NRXN1: variants seen among roughly 807,000 people sequenced by gnomAD.
The protein encoded by NRXN1 is neurexin-1.
Under a neutral mutation model 150.9 loss-of-function variants are expected in NRXN1, and 39 were observed. That is an observed-to-expected ratio of 0.26 (90% CI 0.20 to 0.34). The LOEUF (loss-of-function observed/expected upper bound fraction) is 0.34, where lower values mean the gene tolerates loss of function less well. Ranked by LOEUF, NRXN1 falls within the 10% of genes least tolerant of loss-of-function variation. The probability of loss-of-function intolerance (pLI) is 1.00; values close to 1 mark genes in which losing one functional copy is unlikely to be tolerated. For missense variants in NRXN1, 1,815 were observed against 1,949.9 expected (o/e 0.93, Z 1.30); for synonymous variants, 924 against 757.0 (o/e 1.22, Z -3.62).
intron 19 of NRXN1, among the ~76,000 whole-genome samples, chr2:50,071,222 T>C (rs561951441): frequency 6.6e-6 from 1 of 152,358 alleles, no homozygotes; most frequent in Non-Finnish European, 1.5e-5. Context: ...TGAAGTCTTT[T>C]AATCTAAGTC....
intron 5 of NRXN1, among the ~76,000 whole-genome samples, chr2:50,655,942 T>C (rs752055154): frequency 7.2e-5 from 11 of 151,928 alleles, no homozygotes; most frequent in Non-Finnish European, 1.5e-4. Context: ...TAAACTCAAA[T>C]CACTTTTAAA....
At chr2:50,589,098 T>C (rs1214020595) in intron 8 of NRXN1, 2 of 152,134 alleles carry the variant, frequency 1.3e-5, no homozygotes, top group African/African-American at 4.8e-5. Flanking sequence ...TGGTACAGGA[T>C]AGGGTCTCCC....
At chr2:50,035,050 A>G (rs1431922375) in intron 21 of NRXN1, among the ~76,000 whole-genome samples, 1 of 152,140 alleles carries the variant, frequency 6.6e-6, no homozygotes, top group African/African-American at 2.4e-5. Flanking sequence ...TCACACAACA[A>G]TGAAGGGTAC....
chr2:50,897,875 A>G (rs940748820), intron 5 of NRXN1, among the ~76,000 whole-genome samples: 1 of 152,238 alleles, frequency 6.6e-6, no homozygotes, highest in Non-Finnish European at 1.5e-5. Context: ...CAAAGTGTGC[A>G]CTTTAAATGG....
intron 2 of NRXN1, among the ~76,000 whole-genome samples, chr2:51,015,147 C>CA (rs1361490763): frequency 6.6e-6 from 1 of 151,984 alleles, no homozygotes; most frequent in African/African-American, 2.4e-5. Flanking sequence ...CTCATTGTTT[C>CA]AAATTCTGTT....
chr2:50,687,263 G>A (rs1691376672), intron 5 of NRXN1, among the ~76,000 whole-genome samples: 1 of 152,120 alleles, frequency 6.6e-6, no homozygotes, highest in Non-Finnish European at 1.5e-5. Context: ...TGTACCTGAA[G>A]CTTATGCCCA....
At chr2:50,523,044 A>G (rs545944464) in intron 12 of NRXN1, among the ~76,000 whole-genome samples, 11 of 151,486 alleles carry the variant, frequency 7.3e-5, no homozygotes, top group Middle Eastern at 3.2e-3. Flanking sequence ...CTCAATTTCG[A>G]TATTATTCTA....
At chr2:50,064,572 T>C (rs1573695511) in intron 19 of NRXN1, among the ~76,000 whole-genome samples, 1 of 152,176 alleles carries the variant, frequency 6.6e-6, no homozygotes, top group Non-Finnish European at 1.5e-5. Context: ...TCAAAATATG[T>C]ATCATCTCCA....
chr2:51,031,340 T>C (rs1204340016), intron 1 of NRXN1, among the ~76,000 whole-genome samples: 2 of 152,092 alleles, frequency 1.3e-5, no homozygotes, highest in African/African-American at 2.4e-5. Flanking sequence ...CCCAAGTCAC[T>C]AGGAGGATCA....
chr2:50,532,781 T>C (rs571308062), intron 10 of NRXN1, among the ~76,000 whole-genome samples: 1 of 152,096 alleles, frequency 6.6e-6, no homozygotes, highest in Non-Finnish European at 1.5e-5. Context: ...AAACTGTTGA[T>C]GACAACCTGA....
intron 21 of NRXN1, among the ~76,000 whole-genome samples, chr2:50,029,838 T>C (rs1157413662): frequency 6.6e-6 from 1 of 152,154 alleles, no homozygotes; most frequent in Non-Finnish European, 1.5e-5. Context: ...AGCCTTATCC[T>C]TAATAAGCCC....
intron 17 of NRXN1, among the ~76,000 whole-genome samples, chr2:50,376,596 T>C (rs533801901): frequency 1.3e-5 from 2 of 152,240 alleles, no homozygotes; most frequent in South Asian, 4.1e-4. Context: ...AATATATTTT[T>C]CCCACAAATT....
intron 19 of NRXN1, among the ~76,000 whole-genome samples, chr2:50,078,373 T>TG (rs1360467812): frequency 7.6e-4 from 104 of 136,688 alleles, no homozygotes; most frequent in Non-Finnish European, 1.1e-3. Flanking sequence ...AACTCTTATT[T>TG]CAAAAAAAAA....
At chr2:50,905,233 T>A (rs377031363) in intron 5 of NRXN1, among the ~76,000 whole-genome samples, 1 of 152,156 alleles carries the variant, frequency 6.6e-6, no homozygotes, top group East Asian at 1.9e-4. Flanking sequence ...CATTAAGATG[T>A]CTTTTTAAAG....
chr2:50,583,232 A>G (rs1204799464), intron 8 of NRXN1, among the ~76,000 whole-genome samples: 1 of 151,942 alleles, frequency 6.6e-6, no homozygotes, highest in Non-Finnish European at 1.5e-5. Flanking sequence ...AGTAGAGACA[A>G]GTTCTCACTA....
At chr2:50,351,822 A>T (rs2078433812) in intron 17 of NRXN1, among the ~76,000 whole-genome samples, 1 of 152,142 alleles carries the variant, frequency 6.6e-6, no homozygotes, top group Non-Finnish European at 1.5e-5. Context: ...AAATACTGTC[A>T]TATTTGCTTC....
chr2:50,992,376 C>G (rs1403358082), intron 2 of NRXN1, among the ~76,000 whole-genome samples: 3 of 151,806 alleles, frequency 2.0e-5, no homozygotes. Context: ...AATATTCTAC[C>G]CTCAAACCTT....
At chr2:50,696,788 T>C (rs1443847779) in intron 5 of NRXN1, among the ~76,000 whole-genome samples, 1 of 152,154 alleles carries the variant, frequency 6.6e-6, no homozygotes, top group African/African-American at 2.4e-5. Flanking sequence ...TGTTAATTAC[T>C]AAGTTTCATA....
chr2:49,948,480 C>G (rs547565525), intron 21 of NRXN1, among the ~76,000 whole-genome samples: 1 of 152,000 alleles, frequency 6.6e-6, no homozygotes, highest in South Asian at 2.1e-4. Flanking sequence ...TCTTGATTTT[C>G]ATATATGTTT....
Sources: allele counts gnomAD v4.1 joint callset (sites outside exome capture counted in the v4.1 genomes callset), GRCh38; gene constraint gnomAD v4.1.1; transcripts MANE v1.5; gene names NCBI Gene and HGNC (gene_info 2026-07-23, HGNC 2026-07-21).